Variants in CDYL observed in about 807,000 individuals in gnomAD.
CDYL encodes chromodomain Y like.
Under a neutral mutation model 47.3 loss-of-function variants are expected in CDYL, and 8 were observed. That is an observed-to-expected ratio of 0.17 (90% confidence interval 0.10 to 0.31). The LOEUF is 0.31. Ranked by LOEUF, CDYL falls within the 10% of genes least tolerant of loss-of-function variation. The pLI is 1.00. For synonymous variants in CDYL, 266 were observed against 265.0 expected, an observed-to-expected ratio of 1.00 and a Z score of -0.04; for missense variants, 471 against 701.4, an observed-to-expected ratio of 0.67 and a Z score of 3.71.
At chr6:4,896,343 C>T (rs9502247) in intron 2 of CDYL, among the ~76,000 whole-genome samples, 3,780 of 152,300 alleles carry the variant, frequency 0.025, 90 homozygotes, top group East Asian at 0.089. Flanking sequence ...TCTGCTAGAT[C>T]GTAAGCTCCA....
At chr6:4,754,359 A>G (rs1205098142) in intron 3 of CDYL, among the ~76,000 whole-genome samples, 2 of 152,240 alleles carry the variant, frequency 1.3e-5, no homozygotes, top group South Asian at 2.1e-4. Context: ...TTTTCATTTC[A>G]GAAGACATAT....
rs4053260 is a variant in CDYL at position 4,756,580 on chromosome 6, ATGTG to A, written c.186+21768_186+21771del. 4.0e-3 allele frequency among the ~76,000 whole-genome samples: 573 copies of A among 142,872 alleles called. 3 individuals are homozygous for A. Among genetic ancestry groups the A allele is most frequent in the Middle Eastern group, 0.011 (3 of 266 alleles). The allele number at this position is 142,872 out of a possible 152,430, so 93.7% of individuals were successfully genotyped here. On this transcript the variant is annotated intron_variant, in intron 3 of 8. Coordinates refer to the CDYL transcript ENST00000328908. ...TGTAGTAATTAAAATTATCGTGTGTATGTGTGTGTGTGTGTGTGTGTGTGTGTGT... is the reference window on the plus strand; with the variant it reads ...TGTAGTAATTAAAATTATCGTGTGTATGTGTGTGTGTGTGTGTGTGTGTGT...
chr6:4,757,817 A>C (rs997847550), intron 3 of CDYL, among the ~76,000 whole-genome samples: 3 of 152,198 alleles, frequency 2.0e-5, no homozygotes, highest in African/African-American at 7.2e-5. Flanking sequence ...CAGGAGGATT[A>C]CTTGAGCCTA....
intron 3 of CDYL, among the ~76,000 whole-genome samples, chr6:4,762,735 A>G (rs564584096): frequency 9.1e-4 from 139 of 152,002 alleles, no homozygotes; most frequent in African/African-American, 3.2e-3. Context: ...ATCAGGAGAA[A>G]GTACCCAGAA....
chr6:4,779,151 C>T (rs1275751814), intron 1 of CDYL, among the ~76,000 whole-genome samples: 2 of 152,152 alleles, frequency 1.3e-5, no homozygotes, highest in Non-Finnish European at 2.9e-5. Context: ...ATCTGTAGGG[C>T]AGAAGTGATA....
At chr6:4,832,216 C>T (rs1760167190) in intron 1 of CDYL, among the ~76,000 whole-genome samples, 1 of 152,170 alleles carries the variant, frequency 6.6e-6, no homozygotes, top group African/African-American at 2.4e-5. Flanking sequence ...GTGGGTTTGT[C>T]ATAGATAGCT....
intron 2 of CDYL, among the ~76,000 whole-genome samples, chr6:4,900,779 G>GTGTGTGTGTATATATATATATA: frequency 5.8e-5 from 3 of 51,696 alleles, no homozygotes; most frequent in Non-Finnish European, 8.3e-5. Context: ...GTATACGTGT[G>GTGTGTGTGTATATATATATATA]TATATATATA....
intron 1 of CDYL, among the ~76,000 whole-genome samples, chr6:4,870,185 T>C (rs1195009616): frequency 1.3e-5 from 2 of 152,190 alleles, no homozygotes; most frequent in Non-Finnish European, 1.5e-5. Context: ...CTACCTCAGC[T>C]TCCCAAGTAG....
intron 1 of CDYL, among the ~76,000 whole-genome samples, chr6:4,780,429 G>T (rs1447658232): frequency 2.3e-4 from 1 of 4,288 alleles, no homozygotes; most frequent in African/African-American, 7.0e-4. Context: ...CCCCCGCCCC[G>T]GCTAATGTTT....
At chr6:4,765,349 C>G (rs1040168337) in intron 3 of CDYL, among the ~76,000 whole-genome samples, 44 of 151,572 alleles carry the variant, frequency 2.9e-4, no homozygotes, top group African/African-American at 1.0e-3. Flanking sequence ...ATAAAAATAA[C>G]TAGAAAATCC....
chr6:4,771,687 T>A (rs1758340757), upstream of CDYL, among the ~76,000 whole-genome samples: 1 of 152,214 alleles, frequency 6.6e-6, no homozygotes, highest in Non-Finnish European at 1.5e-5. Context: ...ATGTCCACAC[T>A]CATCTCTTGC....
chr6:4,763,033 A>G (rs1239746710), intron 3 of CDYL, among the ~76,000 whole-genome samples: 2 of 152,208 alleles, frequency 1.3e-5, no homozygotes, highest in African/African-American at 4.8e-5. Context: ...TGGTAAAAAT[A>G]GCAAGAGAAG....
At chr6:4,829,748 C>T (rs1180022401) in intron 1 of CDYL, among the ~76,000 whole-genome samples, 3 of 152,136 alleles carry the variant, frequency 2.0e-5, no homozygotes, top group Non-Finnish European at 2.9e-5. Context: ...GTTCAGATGT[C>T]GTGCCGTGGT....
At chr6:4,889,676 T>C (rs1761988320) in intron 1 of CDYL, among the ~76,000 whole-genome samples, 1 of 152,224 alleles carries the variant, frequency 6.6e-6, no homozygotes, top group Non-Finnish European at 1.5e-5. Context: ...TGTGTCTCGC[T>C]ACTTCCTTGC....
At chr6:4,720,696 A>G (rs1366024208) in intron 2 of CDYL, among the ~76,000 whole-genome samples, 1 of 152,240 alleles carries the variant, frequency 6.6e-6, no homozygotes, top group Non-Finnish European at 1.5e-5. Context: ...AAGTAGATCA[A>G]GAAAATTAGT....
chr6:4,886,853 A>G (rs1298178886), intron 1 of CDYL, among the ~76,000 whole-genome samples: 1 of 152,206 alleles, frequency 6.6e-6, no homozygotes, highest in East Asian at 1.9e-4. Flanking sequence ...TTTCTTGTAG[A>G]TCTTTGACCA....
At chr6:4,832,354 C>T (rs1049233880) in intron 1 of CDYL, among the ~76,000 whole-genome samples, 21 of 151,510 alleles carry the variant, frequency 1.4e-4, no homozygotes, top group East Asian at 1.9e-4. Flanking sequence ...TTGTCTTTGG[C>T]TCTGTTTATA....
At chr6:4,805,797 G>A (rs888778060) in intron 1 of CDYL, among the ~76,000 whole-genome samples, 1 of 152,224 alleles carries the variant, frequency 6.6e-6, no homozygotes, top group African/African-American at 2.4e-5. Flanking sequence ...TGATGCCTAA[G>A]AGGCTTAAGA....
Position 4,839,574 on chromosome 6 carries a change from C to G in CDYL, c.25-52139C>G, listed in dbSNP as rs903048068. ...TCAGTCTTAGATTTAAGTGTTTGAT[C>G]CATCTTGAGTTGATTTTTGTTTAAG... is the stretch of plus-strand genomic sequence containing the variant. On this transcript the variant is annotated intron_variant, in intron 1 of 6. Coordinates refer to ENST00000397588, the MANE Select transcript of CDYL (RefSeq NM_004824.4). 5.2e-4 allele frequency among the ~76,000 whole-genome samples: 79 copies of G among 152,184 alleles called. 1 individual carries two copies. The highest frequency in any genetic ancestry group is 1.8e-3 in the African/African-American group (73 of 41,424).
Sources: gnomAD v4.1 joint callset for allele counts (sites outside exome capture counted in the v4.1 genomes callset) on GRCh38, gnomAD v4.1.1 for gene constraint, MANE v1.5 for transcripts, NCBI Gene and HGNC (gene_info 2026-07-23, HGNC 2026-07-21) for gene names.